CWH43: variants seen among roughly 807,000 people sequenced by gnomAD.
CWH43 encodes PGAP2-interacting protein.
In CWH43, 91 loss-of-function variants were observed where a neutral mutation model predicts 85.7. The observed-to-expected ratio is 1.06, with a 90% confidence interval of 0.90 to 1.26. CWH43 has a LOEUF of 1.26. CWH43 is among the 50% of genes most tolerant of loss of function. CWH43 has a pLI of 0.00. For missense variants in CWH43, 869 were observed against 839.2 expected (o/e 1.04, Z -0.44); for synonymous variants, 323 against 293.6 (o/e 1.10, Z -1.02).
At chr4:48,997,966 C>T (rs976534373) in intron 5 of CWH43, among the ~76,000 whole-genome samples, 1 of 151,944 alleles carries the variant, frequency 6.6e-6, no homozygotes, top group Admixed American at 6.6e-5. Flanking sequence ...CAACTTTTTG[C>T]CAAAATAGCA....
chr4:49,025,384 A>G lies in CWH43; in HGVS notation c.1267-3245A>G, dbSNP rs1201690590. On this transcript the variant is annotated intron_variant, in intron 9 of 15. Coordinates refer to ENST00000226432, the MANE Select transcript of CWH43 (RefSeq NM_025087.3). ...AGTGATTTCATCTTGGTTTGGATCC[A>G]TTGCTGGTGAGCTAGTGTGATCTTT... Among the ~76,000 whole-genome samples the G allele has an allele frequency of 3.9e-5, 6 of 152,080 alleles. No individual in the cohort carries two copies. The East Asian group carries it at 9.7e-4, about 25-fold the overall frequency.
chr4:49,016,828 C>T, intron 8 of CWH43: 1 of 778,694 alleles, frequency 1.3e-6, no homozygotes, highest in Non-Finnish European at 2.4e-6. Context: ...ACTTTCTGCT[C>T]AATCAGTTCA....
intron 9 of CWH43, among the ~76,000 whole-genome samples, chr4:49,022,583 C>A (rs553848775): frequency 6.6e-6 from 1 of 152,232 alleles, no homozygotes; most frequent in South Asian, 2.1e-4. Flanking sequence ...AGAAAGGATC[C>A]CCTCTTTCTC....
chr4:49,020,015 G>GT (rs901461802), intron 9 of CWH43, among the ~76,000 whole-genome samples: 2 of 151,960 alleles, frequency 1.3e-5, no homozygotes, highest in African/African-American at 4.8e-5. Context: ...TTGTGATCAC[G>GT]TTTTTTTCAA....
intron 9 of CWH43, among the ~76,000 whole-genome samples, chr4:49,027,904 C>T (rs1783966561): frequency 2.6e-5 from 4 of 152,116 alleles, no homozygotes; most frequent in South Asian, 2.1e-4. Context: ...GACTCACTCA[C>T]GACCTAAGAG....
chr4:49,031,114 G>T, intron 11 of CWH43, 154 bp downstream of exon 11: 1 of 666,296 alleles, frequency 1.5e-6, no homozygotes, highest in Non-Finnish European at 2.4e-6. Context: ...TGCACATTCT[G>T]TAATTTTTCA....
At chr4:49,020,390 C>G (rs1296465216) in intron 9 of CWH43, among the ~76,000 whole-genome samples, 1 of 85,356 alleles carries the variant, frequency 1.2e-5, no homozygotes, top group Non-Finnish European at 3.2e-5. Context: ...CCATTACACA[C>G]ACACACACAC....
At chr4:49,020,288 C>T (rs1368528327) in intron 9 of CWH43, among the ~76,000 whole-genome samples, 4 of 151,754 alleles carry the variant, frequency 2.6e-5, no homozygotes, top group East Asian at 1.9e-4. Context: ...TTTCCATTCC[C>T]GAGTCACTTC....
chr4:49,053,708 A>C (rs1784867246), intron 15 of CWH43, among the ~76,000 whole-genome samples: 1 of 152,132 alleles, frequency 6.6e-6, no homozygotes, highest in African/African-American at 2.4e-5. Flanking sequence ...TATAGGTTGA[A>C]CATCTCAAGT....
Position 49,030,946 on chromosome 4 carries a change from G to A in CWH43, c.1494G>A (p.Arg498=), listed in dbSNP as rs202214286. Residue 498 remains arginine, a synonymous_variant, in exon 11 of 16, where the codon AGG becomes AGA. Transcript: ENST00000226432. ...GFYTDFGPST[R]YHTWGIMALS... ...ATACAGACTTTGGTCCAAGCACAAG[G>A]TATCACACTTGGGGGTGAGTATACC... The A allele has an allele frequency of 6.3e-7, 1 of 1,597,522 alleles. No homozygotes were observed. Among genetic ancestry groups the A allele is most frequent in the African/African-American group, 1.4e-5 (1 of 73,786 alleles).
chr4:49,006,541 G>C (rs1783163031), intron 7 of CWH43, among the ~76,000 whole-genome samples: 1 of 152,120 alleles, frequency 6.6e-6, no homozygotes, highest in African/African-American at 2.4e-5. Context: ...ACTTTTACTT[G>C]ACATTTCTTA....
chr4:49,051,195 C>T lies in CWH43; in HGVS notation c.2021+346C>T, dbSNP rs146392174. ...CTGTTATAGGTGCTTTTTGTGTTGT[C>T]TCAATTAATCCTTATTGGTTGGTCC... On this transcript the variant is annotated intron_variant, in intron 15 of 15. Coordinates refer to ENST00000226432, the MANE Select transcript of CWH43 (RefSeq NM_025087.3). 4.8e-4 allele frequency among the ~76,000 whole-genome samples: 73 copies of T among 152,238 alleles called. No homozygotes were observed. The East Asian group carries it at 0.012, about 25-fold the overall frequency.
chr4:49,031,276 C>A, intron 11 of CWH43: 1 of 230,312 alleles, frequency 4.3e-6, no homozygotes, highest in Non-Finnish European at 8.3e-6. Context: ...AACATGTACA[C>A]AAAAAAATAA....
At chr4:49,021,277 G>C (rs1214670146) in intron 9 of CWH43, among the ~76,000 whole-genome samples, 1 of 152,094 alleles carries the variant, frequency 6.6e-6, no homozygotes. Flanking sequence ...CATGTGGCTT[G>C]TCAATTATCT....
chr4:49,009,156 A>G (rs1222829755), intron 8 of CWH43, among the ~76,000 whole-genome samples: 1 of 152,150 alleles, frequency 6.6e-6, no homozygotes, highest in Non-Finnish European at 1.5e-5. Flanking sequence ...TTCATTGAGC[A>G]GTGGTTTGTA....
In CWH43 at chr4:49,032,665, C is replaced by T. The variant is rs752704736; in HGVS notation, c.1608C>T (p.Asn536=). 1.2e-5 allele frequency: 20 copies of T among 1,614,088 alleles called. No homozygotes were observed. The highest frequency in any genetic ancestry group is 1.7e-5 in the Non-Finnish European group (20 of 1,179,954). ...CACCAGCCATCACATTGACCGTTAA[C>T]ATTTCGGGCAAGCTGGTGGATTTTG... ...EIAPAITLTV[N]ISGKLVDFVV... The change falls in exon 12 of 16, where the codon AAC becomes AAT. Residue 536 remains asparagine, a synonymous_variant. Coordinates refer to ENST00000226432, the MANE Select transcript of CWH43 (RefSeq NM_025087.3).
intron 13 of CWH43, among the ~76,000 whole-genome samples, chr4:49,038,444 A>T (rs1192130195): frequency 3.3e-5 from 5 of 152,118 alleles, no homozygotes; most frequent in African/African-American, 4.8e-5. Flanking sequence ...GGACTGGAGG[A>T]TCTACTTCAT....
chr4:49,009,109 A>T (rs998604020), intron 8 of CWH43, among the ~76,000 whole-genome samples: 1 of 152,230 alleles, frequency 6.6e-6, no homozygotes, highest in Non-Finnish European at 1.5e-5. Context: ...ATCCATGAGC[A>T]TGGAATATTC....
At position 49,037,005 on chromosome 4, in the gene CWH43, T is replaced by C. The variant is rs1784281179; in HGVS notation, c.1659-1031T>C. On this transcript the variant is annotated intron_variant, in intron 12 of 15. Transcript: ENST00000226432. ...AGGTGGTACTGGTTTCTTATTGTTA[T>C]TAATCTCTGATTGCCTCATTGACTC... is the stretch of plus-strand genomic sequence containing the variant. Among the ~76,000 whole-genome samples the C allele has an allele frequency of 2.0e-5, 3 of 152,196 alleles. No individual in the cohort carries two copies. The South Asian group carries it at 6.2e-4, about 32-fold the overall frequency.
Sources: gnomAD v4.1 joint callset for allele counts (sites outside exome capture counted in the v4.1 genomes callset) on GRCh38, gnomAD v4.1.1 for gene constraint, MANE v1.5 for transcripts, NCBI Gene and HGNC (gene_info 2026-07-23, HGNC 2026-07-21) for gene names.